Variants in PDE4D observed in about 807,000 individuals in gnomAD.
PDE4D encodes the protein 3',5'-cyclic-AMP phosphodiesterase 4D.
A neutral mutation model predicts 87.4 loss-of-function variants in PDE4D; 24 were observed. The observed-to-expected ratio is 0.27, with a 90% confidence interval of 0.20 to 0.39. The LOEUF is 0.39. Among genes scored for constraint, PDE4D ranks in the 10% least tolerant of loss-of-function variants. PDE4D has a pLI of 1.00. For synonymous variants in PDE4D, 384 were observed against 383.2 expected, an observed-to-expected ratio of 1.00 and a Z score of -0.02; for missense variants, 714 against 1,041.0, an observed-to-expected ratio of 0.69 and a Z score of 4.32.
intron 1 of PDE4D, among the ~76,000 whole-genome samples, chr5:59,552,017 ACCAG>A (rs1818204807): frequency 6.6e-6 from 1 of 152,028 alleles, no homozygotes; most frequent in Non-Finnish European, 1.5e-5. Context: ...GGAGTTTGAG[ACCAG>A]CCTAGGGAAC....
chr5:60,223,632 G>A (rs921326841), intron 1 of PDE4D, among the ~76,000 whole-genome samples: 5 of 152,022 alleles, frequency 3.3e-5, no homozygotes, highest in African/African-American at 9.7e-5. Context: ...GATCACAACC[G>A]AAAAACCATT....
intron 1 of PDE4D, among the ~76,000 whole-genome samples, chr5:59,264,483 A>T (rs1449741132): frequency 6.6e-6 from 1 of 152,020 alleles, no homozygotes; most frequent in Admixed American, 6.6e-5. Flanking sequence ...GTCTGCTAAC[A>T]TCAAATTTGC....
rs972355194 is a variant in PDE4D, at chr5:59,057,782, G to A, written c.809-18811C>T. On this transcript the variant is annotated intron_variant, in intron 5 of 14. Transcript: ENST00000340635. ...GCTCAGATGGTAGGAAGGGCTTTCT[G>A]GGTAGAAAAAAATAAATTAGCAGTC... Among the ~76,000 whole-genome samples, 35 of 152,216 alleles carry A rather than the reference G, an allele frequency of 2.3e-4. 1 individual carries two copies. The highest frequency in any genetic ancestry group is 2.2e-3 in the Admixed American group (33 of 15,284).
chr5:60,061,274 C>A (rs895494776), intron 2 of PDE4D, among the ~76,000 whole-genome samples: 2 of 151,978 alleles, frequency 1.3e-5, no homozygotes, highest in African/African-American at 4.8e-5. Context: ...ACAAGCATTT[C>A]TTTACACTAA....
chr5:59,063,368 A>G (rs1309920814), intron 5 of PDE4D: 1 of 152,212 alleles, frequency 6.6e-6, no homozygotes, highest in Non-Finnish European at 1.5e-5. Flanking sequence ...TCTTGTTGAG[A>G]CAGATTTCAC....
intron 2 of PDE4D, among the ~76,000 whole-genome samples, chr5:60,124,948 T>TC (rs1417954798): frequency 6.6e-6 from 1 of 152,174 alleles, no homozygotes; most frequent in Non-Finnish European, 1.5e-5. Flanking sequence ...AACACTATCT[T>TC]CATTGACTTC....
intron 5 of PDE4D, among the ~76,000 whole-genome samples, chr5:59,156,426 T>C (rs911578042): frequency 1.3e-5 from 2 of 150,286 alleles, no homozygotes; most frequent in Non-Finnish European, 3.0e-5. Context: ...GAGATGTAAG[T>C]AGAAGCATTA....
At chr5:60,078,247 A>G (rs531401164) in intron 2 of PDE4D, among the ~76,000 whole-genome samples, 18 of 152,244 alleles carry the variant, frequency 1.2e-4, no homozygotes, top group African/African-American at 3.4e-4. Context: ...ACAAAATCAG[A>G]GTTGTGCTCT....
intron 2 of PDE4D, among the ~76,000 whole-genome samples, chr5:60,141,321 G>A (rs757522327): frequency 2.6e-5 from 4 of 152,062 alleles, no homozygotes; most frequent in African/African-American, 4.8e-5. Flanking sequence ...CTCTAAGAGT[G>A]TAACAGGATG....
chr5:59,687,411 G>C (rs547282275), intron 1 of PDE4D, among the ~76,000 whole-genome samples: 4 of 152,288 alleles, frequency 2.6e-5, no homozygotes, highest in Admixed American at 2.6e-4. Flanking sequence ...AGAAGAGAGT[G>C]GGGGCCAATA....
At chr5:59,823,700 A>T (rs1474022705) in intron 1 of PDE4D, among the ~76,000 whole-genome samples, 1 of 151,124 alleles carries the variant, frequency 6.6e-6, no homozygotes, top group Non-Finnish European at 1.5e-5. Flanking sequence ...ATCCCATCTT[A>T]CCTCCAAGTC....
intron 1 of PDE4D, among the ~76,000 whole-genome samples, chr5:60,296,008 C>T (rs918304690): frequency 6.6e-6 from 1 of 152,180 alleles, no homozygotes; most frequent in African/African-American, 2.4e-5. Context: ...CACCTTCTCA[C>T]GGTGTCCTCA....
chr5:59,766,609 T>G (rs1471948450), intron 1 of PDE4D, among the ~76,000 whole-genome samples: 2 of 152,196 alleles, frequency 1.3e-5, no homozygotes, highest in East Asian at 3.9e-4. Flanking sequence ...GGAACTGCAG[T>G]GATAAAGCAG....
chr5:59,347,749 TATA>T lies in PDE4D; in HGVS notation c.456-131784_456-131782del, dbSNP rs571798496. Among the ~76,000 whole-genome samples, 253 of 152,280 alleles carry T rather than the reference TATA, an allele frequency of 1.7e-3. 1 individual carries two copies. Among genetic ancestry groups the T allele is most frequent in the African/African-American group, 5.6e-3 (231 of 41,546 alleles). On this transcript the variant is annotated intron_variant, in intron 1 of 14. Transcript: ENST00000340635. ...GTTTTACTTTCCCTCACTGTATTTT[TATA>T]ATAACAAAGAAGCAAAGGTAAATTC...
chr5:59,626,090 AAAAAC>A (rs1338829088), intron 1 of PDE4D, among the ~76,000 whole-genome samples: 1 of 152,244 alleles, frequency 6.6e-6, no homozygotes, highest in Non-Finnish European at 1.5e-5. Flanking sequence ...TCCGTCTCAA[AAAAAC>A]AAAACAAAAC....
At chr5:58,978,083 T>C (rs949183314) in intron 11 of PDE4D, among the ~76,000 whole-genome samples, 6 of 152,126 alleles carry the variant, frequency 3.9e-5, no homozygotes, top group African/African-American at 1.4e-4. Flanking sequence ...TCCTACTTCT[T>C]GTAAATAGCA....
intron 1 of PDE4D, among the ~76,000 whole-genome samples, chr5:59,619,547 A>G (rs1220549220): frequency 6.6e-6 from 1 of 152,208 alleles, no homozygotes; most frequent in Non-Finnish European, 1.5e-5. Flanking sequence ...TTTGCAGGTG[A>G]TTCTGATGCA....
At chr5:59,954,589 G>T (rs1373724760) in intron 3 of PDE4D, among the ~76,000 whole-genome samples, 1 of 152,094 alleles carries the variant, frequency 6.6e-6, no homozygotes, top group Non-Finnish European at 1.5e-5. Context: ...CCTAACTGTG[G>T]CACCAGCATA....
intron 1 of PDE4D, among the ~76,000 whole-genome samples, chr5:59,621,969 T>C (rs1047996538): frequency 5.9e-5 from 9 of 152,228 alleles, no homozygotes; most frequent in African/African-American, 1.9e-4. Context: ...CGTTATAGTT[T>C]ATATTTTCAT....
Sources: allele counts gnomAD v4.1 joint callset (sites outside exome capture counted in the v4.1 genomes callset), GRCh38; gene constraint gnomAD v4.1.1; transcripts MANE v1.5; gene names NCBI Gene and HGNC (gene_info 2026-07-23, HGNC 2026-07-21).